FOXN3: variants seen among roughly 807,000 people sequenced by gnomAD.
FOXN3 encodes forkhead box N3.
In FOXN3, 7 loss-of-function variants were observed where a neutral mutation model predicts 38.4. The observed-to-expected ratio is 0.18, with a 90% CI of 0.10 to 0.34. The LOEUF (loss-of-function observed/expected upper bound fraction) is 0.34. Ranked by LOEUF, FOXN3 falls within the 10% of genes least tolerant of loss-of-function variation. The pLI is 1.00. For synonymous variants in FOXN3, 230 were observed against 242.2 expected, an observed-to-expected ratio of 0.95 and a Z score of 0.47; for missense variants, 456 against 613.4, an observed-to-expected ratio of 0.74 and a Z score of 2.71.
At chr14:89,588,678 C>A (rs1191750119) in intron 1 of FOXN3, among the ~76,000 whole-genome samples, 2 of 152,168 alleles carry the variant, frequency 1.3e-5, no homozygotes, top group Non-Finnish European at 2.9e-5. Flanking sequence ...GGTTAAACTC[C>A]TGGTCAGTAC....
chr14:89,195,796 G>A (rs138056201), intron 4 of FOXN3, among the ~76,000 whole-genome samples: 118 of 152,316 alleles, frequency 7.7e-4, no homozygotes, highest in African/African-American at 2.8e-3. Context: ...GAACAAGCAA[G>A]TGCCACCTTT....
chr14:89,539,395 C>T (rs995448059), intron 1 of FOXN3, among the ~76,000 whole-genome samples: 1 of 152,056 alleles, frequency 6.6e-6, no homozygotes, highest in Non-Finnish European at 1.5e-5. Flanking sequence ...CTGAAAAACA[C>T]AGAAAATACC....
chr14:89,165,858 C>T (rs1887228493), intron 5 of FOXN3, among the ~76,000 whole-genome samples: 1 of 152,180 alleles, frequency 6.6e-6, no homozygotes, highest in South Asian at 2.1e-4. Context: ...TCTAAGTATA[C>T]TTGAAAGAGT....
At chr14:89,508,725 T>G (rs1308617891) in intron 1 of FOXN3, among the ~76,000 whole-genome samples, 1 of 152,184 alleles carries the variant, frequency 6.6e-6, no homozygotes, top group Non-Finnish European at 1.5e-5. Flanking sequence ...ATGGATCACC[T>G]GCAGGCCCTG....
In FOXN3 at chr14:89,160,284, T is replaced by C. The variant is rs116608860; in HGVS notation, c.*2130A>G. On this transcript the variant is annotated 3_prime_UTR_variant, in exon 6 of 6. Transcript: ENST00000557258. ...TAACAACAGGAGTTTCTGGGCTGCA[T>C]GACGTTGTCTGGTTTCTAAATTCAG... 2.1e-4 allele frequency: 30 copies of C among 140,636 alleles called. No individual in the cohort carries two copies. The highest frequency in any genetic ancestry group is 8.0e-4 in the African/African-American group (30 of 37,420). The allele number at this position is 140,636 out of a possible 1,614,324, so 8.7% of individuals were successfully genotyped here.
At chr14:89,250,384 T>G (rs1372125024) in intron 4 of FOXN3, among the ~76,000 whole-genome samples, 1 of 152,252 alleles carries the variant, frequency 6.6e-6, no homozygotes, top group East Asian at 1.9e-4. Flanking sequence ...GTGTTGGGAT[T>G]ACAGGCATGA....
chr14:89,570,360 A>T (rs1895466951), intron 1 of FOXN3, among the ~76,000 whole-genome samples: 1 of 152,032 alleles, frequency 6.6e-6, no homozygotes, highest in South Asian at 2.1e-4. Flanking sequence ...GGCCCATTTC[A>T]AGTTCTATAA....
chr14:89,231,235 C>T (rs967580306), intron 4 of FOXN3, among the ~76,000 whole-genome samples: 3 of 152,028 alleles, frequency 2.0e-5, no homozygotes, highest in African/African-American at 4.8e-5. Context: ...TATCTGTTCG[C>T]CAAGGAAAAC....
At chr14:89,481,081 G>C (rs1304229272) in intron 1 of FOXN3, among the ~76,000 whole-genome samples, 1 of 122,156 alleles carries the variant, frequency 8.2e-6, no homozygotes, top group Non-Finnish European at 1.7e-5. Flanking sequence ...CTTTGATTGT[G>C]GTTAAGCTTT....
At chr14:89,298,924 C>A (rs1887132807) in intron 3 of FOXN3, among the ~76,000 whole-genome samples, 1 of 152,032 alleles carries the variant, frequency 6.6e-6, no homozygotes, top group Non-Finnish European at 1.5e-5. Flanking sequence ...CTGACAGTCT[C>A]TTCTATGAGG....
chr14:89,324,569 G>T (rs1199187067), intron 3 of FOXN3, among the ~76,000 whole-genome samples: 2 of 152,032 alleles, frequency 1.3e-5, no homozygotes, highest in East Asian at 3.8e-4. Flanking sequence ...CCTTTGGGGA[G>T]AGAATATAGG....
At chr14:89,600,914 T>C (rs771914779) in intron 1 of FOXN3, among the ~76,000 whole-genome samples, 2 of 152,238 alleles carry the variant, frequency 1.3e-5, no homozygotes, top group Non-Finnish European at 2.9e-5. Context: ...TCTATTTTAT[T>C]AGAAATGCTG....
rs141551654 is a variant in FOXN3, at chr14:89,401,564, C to A, written c.543+10370G>T. The A allele has an allele frequency of 8.8e-6, 4 of 455,806 alleles. No individual in the cohort carries two copies. In the Admixed American group the frequency reaches 9.4e-5, roughly 11 times the overall value. The allele number at this position is 455,806 out of a possible 1,614,324, so 28.2% of individuals were successfully genotyped here. On this transcript the variant is annotated intron_variant, in intron 2 of 5. Transcript: ENST00000557258. ...CAGGAGTACCTACTGTGATGCTATG[C>A]CTTACCTCTGTGCCAGGCTCCCTGT...
intron 3 of FOXN3, among the ~76,000 whole-genome samples, chr14:89,311,703 G>A (rs568850888): frequency 8.6e-5 from 13 of 151,748 alleles, no homozygotes; most frequent in African/African-American, 2.9e-4. Flanking sequence ...GCACTTGCCT[G>A]TAGTCCCAGC....
At chr14:89,599,566 G>GTT (rs369673170) in intron 1 of FOXN3, among the ~76,000 whole-genome samples, 1,449 of 130,454 alleles carry the variant, frequency 0.011, 14 homozygotes, top group African/African-American at 0.054. Context: ...ATTTTTTATT[G>GTT]TTTTTTTTAA....
intron 1 of FOXN3, among the ~76,000 whole-genome samples, chr14:89,500,194 C>T (rs1893767870): frequency 6.6e-6 from 1 of 152,164 alleles, no homozygotes; most frequent in Admixed American, 6.5e-5. Flanking sequence ...TACGGGCACT[C>T]TTCAGTAGAA....
chr14:89,516,559 GTTTT>G (rs546187742), intron 1 of FOXN3, among the ~76,000 whole-genome samples: 12,294 of 129,608 alleles, frequency 0.095, 634 homozygotes, highest in African/African-American at 0.17. Context: ...GCTGCCAGTA[GTTTT>G]TTTTTTTTTT....
intron 2 of FOXN3, among the ~76,000 whole-genome samples, chr14:89,360,786 T>TCCACCACCACCA (rs1324290967): frequency 6.8e-5 from 1 of 14,630 alleles, no homozygotes; most frequent in Non-Finnish European, 1.5e-4. Context: ...CACCACCACC[T>TCCACCACCACCA]CCACCACCAC....
rs200571716 is a variant in FOXN3, at chr14:89,362,404, A to AGCT, written c.544-11597_544-11596insAGC. ...CTCCACCACCACCACCTCCAGCACC[A>AGCT]CCACCACCTCCTCCTCCTCCACCAC... On this transcript the variant is annotated intron_variant, in intron 2 of 5. Transcript: ENST00000557258. Among the ~76,000 whole-genome samples the AGCT allele has an allele frequency of 1.7e-3, 6 of 3,520 alleles. 2 individuals are homozygous for AGCT. The highest frequency in any genetic ancestry group is 2.1e-3 in the African/African-American group (6 of 2,884). 2.3% of individuals were successfully genotyped at this position (3,520 alleles called of 152,430 possible). A position where few individuals can be genotyped will look rare whatever the true frequency, so the allele number is the denominator to read the frequency against.
Sources: allele counts gnomAD v4.1 joint callset (sites outside exome capture counted in the v4.1 genomes callset), GRCh38; gene constraint gnomAD v4.1.1; transcripts MANE v1.5; gene names NCBI Gene and HGNC (gene_info 2026-07-23, HGNC 2026-07-21).